Variants in FOXP2 observed in about 807,000 individuals in gnomAD.
FOXP2 encodes forkhead box protein P2.
In FOXP2, 12 loss-of-function variants were observed where a neutral mutation model predicts 115.8. The ratio of observed to expected loss-of-function variants is 0.10; its 90% confidence interval spans 0.07 to 0.17. The LOEUF (loss-of-function observed/expected upper bound fraction) is 0.17. FOXP2 is among the 10% of genes least tolerant of loss of function. FOXP2 has a pLI of 1.00. For missense variants in FOXP2, 629 were observed against 843.5 expected (o/e 0.75, Z 3.15); for synonymous variants, 328 against 297.7 (o/e 1.10, Z -1.05).
chr7:114,355,000 C>T (rs1425529153), intron 2 of FOXP2, among the ~76,000 whole-genome samples: 2 of 152,066 alleles, frequency 1.3e-5, no homozygotes, highest in African/African-American at 2.4e-5. Context: ...GACATGTCAT[C>T]CATTTATAAT....
At chr7:114,458,689 C>G (rs920724733) in intron 2 of FOXP2, among the ~76,000 whole-genome samples, 2 of 151,588 alleles carry the variant, frequency 1.3e-5, no homozygotes, top group Non-Finnish European at 2.9e-5. Flanking sequence ...CATGATCCAC[C>G]ACACGCAGCT....
At chr7:114,446,086 T>C (rs1584745433) in intron 2 of FOXP2, among the ~76,000 whole-genome samples, 2 of 152,090 alleles carry the variant, frequency 1.3e-5, no homozygotes, top group East Asian at 3.8e-4. Flanking sequence ...AAGTCTGATA[T>C]TTTTAGAGCA....
intron 2 of FOXP2, among the ~76,000 whole-genome samples, chr7:114,360,602 A>G (rs1398169603): frequency 6.6e-6 from 1 of 152,144 alleles, no homozygotes; most frequent in African/African-American, 2.4e-5. Context: ...CCTCTTCTTA[A>G]CCCAGGAAGT....
At chr7:114,484,020 C>T (rs1322841693) in intron 2 of FOXP2, among the ~76,000 whole-genome samples, 1 of 151,718 alleles carries the variant, frequency 6.6e-6, no homozygotes, top group Non-Finnish European at 1.5e-5. Flanking sequence ...ATATAAATCA[C>T]ATTGGAATAA....
chr7:114,490,348 C>CA (rs1796979747), intron 2 of FOXP2, among the ~76,000 whole-genome samples: 1 of 152,032 alleles, frequency 6.6e-6, no homozygotes, highest in Non-Finnish European at 1.5e-5. Flanking sequence ...TCCAACTGTA[C>CA]AACATCCTGG....
At chr7:114,211,164 C>T (rs182703497) in intron 1 of FOXP2, among the ~76,000 whole-genome samples, 6 of 152,298 alleles carry the variant, frequency 3.9e-5, no homozygotes, top group East Asian at 1.9e-4. Flanking sequence ...CACAGAACAA[C>T]GCTGCTTGGC....
chr7:114,547,438 A>G (rs1799981916), intron 3 of FOXP2, among the ~76,000 whole-genome samples: 1 of 152,118 alleles, frequency 6.6e-6, no homozygotes, highest in Non-Finnish European at 1.5e-5. Flanking sequence ...GAAGTGAGAT[A>G]CCTGCTTGAG....
chr7:114,279,497 T>C (rs1264518016), intron 1 of FOXP2, among the ~76,000 whole-genome samples: 1 of 152,188 alleles, frequency 6.6e-6, no homozygotes, highest in Non-Finnish European at 1.5e-5. Flanking sequence ...GTTTTACTTA[T>C]CTAGACTGCC....
chr7:114,530,467 T>C (rs1015511479), intron 2 of FOXP2, among the ~76,000 whole-genome samples: 2 of 151,894 alleles, frequency 1.3e-5, no homozygotes, highest in Non-Finnish European at 2.9e-5. Flanking sequence ...AGCATTCCTA[T>C]TTTTATGGGG....
At chr7:114,485,675 T>C (rs184038573) in intron 2 of FOXP2, among the ~76,000 whole-genome samples, 1 of 152,276 alleles carries the variant, frequency 6.6e-6, no homozygotes, top group East Asian at 1.9e-4. Flanking sequence ...ATATCTAATA[T>C]GTATTGAACA....
Position 114,113,750 on chromosome 7 carries a change from T to C in FOXP2, c.-247+25912T>C, listed in dbSNP as rs78000043. ...CACTCCTGGACCCAAGTGATCCTCC[T>C]GCCTTGACCTCCCAAAGTGCTGGGT... is the stretch of plus-strand genomic sequence containing the variant. On this transcript the variant is annotated intron_variant, in intron 1 of 19. Transcript: ENST00000635638. Among the ~76,000 whole-genome samples the C allele has an allele frequency of 6.4e-3, 972 of 152,212 alleles. 11 individuals are homozygous for C. The highest frequency in any genetic ancestry group is 0.012 in the Non-Finnish European group (786 of 67,994).
chr7:114,528,076 G>T (rs1040193908), intron 2 of FOXP2, among the ~76,000 whole-genome samples: 3 of 151,924 alleles, frequency 2.0e-5, no homozygotes, highest in African/African-American at 7.2e-5. Flanking sequence ...AAGACTCTTT[G>T]TCATTTATTG....
chr7:114,520,914 T>G (rs528119665), intron 2 of FOXP2, among the ~76,000 whole-genome samples: 1 of 152,196 alleles, frequency 6.6e-6, no homozygotes, highest in South Asian at 2.1e-4. Context: ...GACCCAACAA[T>G]TAAACTTTTG....
intron 3 of FOXP2, among the ~76,000 whole-genome samples, chr7:114,585,188 T>A (rs368037704): frequency 9.9e-5 from 15 of 152,280 alleles, no homozygotes; most frequent in South Asian, 8.3e-4. Context: ...CATTAAGGAA[T>A]GGATAGAGTT....
intron 3 of FOXP2, among the ~76,000 whole-genome samples, chr7:114,595,768 C>T (rs985103508): frequency 5.9e-5 from 9 of 151,868 alleles, no homozygotes; most frequent in East Asian, 1.9e-4. Flanking sequence ...TATGATAGAG[C>T]GTAATCAATG....
At chr7:114,617,559 G>A (rs942825590) in intron 3 of FOXP2, among the ~76,000 whole-genome samples, 14 of 152,288 alleles carry the variant, frequency 9.2e-5, no homozygotes, top group African/African-American at 1.7e-4. Context: ...TTTGGGAGGC[G>A]GAGGCGGGTG....
chr7:114,311,538 T>C (rs1205737312), intron 2 of FOXP2, among the ~76,000 whole-genome samples: 1 of 152,100 alleles, frequency 6.6e-6, no homozygotes, highest in Non-Finnish European at 1.5e-5. Flanking sequence ...AGTCCCCCAG[T>C]GCAAACCCCA....
intron 2 of FOXP2, among the ~76,000 whole-genome samples, chr7:114,298,154 G>A (rs1270440667): frequency 1.3e-5 from 2 of 152,114 alleles, no homozygotes; most frequent in Admixed American, 1.3e-4. Context: ...ATCTGACAAA[G>A]CTTAGTTCCT....
At chr7:114,636,211 A>T (rs762920386) in intron 6 of FOXP2, among the ~76,000 whole-genome samples, 51 of 152,186 alleles carry the variant, frequency 3.4e-4, no homozygotes, top group Non-Finnish European at 5.7e-4. Flanking sequence ...TGAAGAAGAG[A>T]TATGGGTATC....
Sources: gnomAD v4.1 joint callset for allele counts (sites outside exome capture counted in the v4.1 genomes callset) on GRCh38, gnomAD v4.1.1 for gene constraint, MANE v1.5 for transcripts, NCBI Gene and HGNC (gene_info 2026-07-23, HGNC 2026-07-21) for gene names.